The following YWHAG variants were observed in gnomAD, a reference collection of about 807,000 sequenced individuals.
YWHAG encodes 14-3-3 protein gamma.
YWHAG carries 1 observed loss-of-function variant against 23.3 expected under a neutral mutation model. The observed-to-expected ratio is 0.04, with a 90% CI of 0.02 to 0.20. The LOEUF (loss-of-function observed/expected upper bound fraction) is 0.20, where lower values mean the gene tolerates loss of function less well. Ranked by LOEUF, YWHAG falls within the 10% of genes least tolerant of loss-of-function variation. The pLI is 1.00. For missense variants in YWHAG, 151 were observed against 338.6 expected (o/e 0.45, Z 4.35); for synonymous variants, 160 against 144.0 (o/e 1.11, Z -0.80).
intron 1 of YWHAG, among the ~76,000 whole-genome samples, chr7:76,354,571 T>C (rs1250604466): frequency 6.6e-6 from 1 of 152,182 alleles, no homozygotes; most frequent in Non-Finnish European, 1.5e-5. Context: ...GGACTGCTGA[T>C]ATTGGGAATG....
At chr7:76,337,915 A>C (rs1803639362) in intron 1 of YWHAG, among the ~76,000 whole-genome samples, 1 of 152,194 alleles carries the variant, frequency 6.6e-6, no homozygotes, top group South Asian at 2.1e-4. Context: ...GTCCCAGTAC[A>C]TCACCAAGCC....
intron 1 of YWHAG, among the ~76,000 whole-genome samples, chr7:76,336,434 G>A (rs1803616124): frequency 6.7e-6 from 1 of 149,268 alleles, no homozygotes; most frequent in African/African-American, 2.5e-5. Flanking sequence ...ATCCAAAACT[G>A]CTCTAAGAAA....
In YWHAG at chr7:76,329,841, G is replaced by A; in HGVS notation, c.480C>T (p.Ile160=). Reference sequence around the variant, plus strand: ...GGGTGGGCTGCATGTGCTCTTTGCTGATCTCGTGGGCTTCGCTGTAGGCCT... The same window carrying A: ...GGGTGGGCTGCATGTGCTCTTTGCTAATCTCGTGGGCTTCGCTGTAGGCCT... The part of the protein sequence containing the change: ...SEKAYSEAHE[I]SKEHMQPTHP... Residue 160 remains isoleucine, a synonymous_variant, in exon 2 of 2, where the codon ATC becomes ATT. Coordinates refer to ENST00000307630, the MANE Select transcript of YWHAG (RefSeq NM_012479.4). The surrounding 1 kb of genome is among the most constrained non-coding windows in gnomAD (Gnocchi z 6.1). 1 of 1,614,002 alleles carries A rather than the reference G, an allele frequency of 6.2e-7. No individual in the cohort carries two copies. Among genetic ancestry groups the A allele is most frequent in the South Asian group, 1.1e-5 (1 of 91,056 alleles).
At chr7:76,332,691 C>CT (rs1335846429) in intron 1 of YWHAG, among the ~76,000 whole-genome samples, 3,528 of 134,738 alleles carry the variant, frequency 0.026, 53 homozygotes, top group East Asian at 0.064. Context: ...TGGCTGATTT[C>CT]TTTTTTTTTT....
intron 1 of YWHAG, among the ~76,000 whole-genome samples, chr7:76,346,545 T>TA (rs1803782272): frequency 6.6e-6 from 1 of 152,210 alleles, no homozygotes; most frequent in Non-Finnish European, 1.5e-5. Flanking sequence ...TGCCTCCACT[T>TA]AAGTGTTTCC....
chr7:76,337,674 A>G (rs903713989), intron 1 of YWHAG, among the ~76,000 whole-genome samples: 2 of 151,362 alleles, frequency 1.3e-5, no homozygotes, highest in African/African-American at 2.4e-5. Context: ...AGCTGGGTCT[A>G]CAGGCGCCCA....
chr7:76,328,319 T>C lies in YWHAG; in HGVS notation c.*1258A>G, dbSNP rs201126549. On this transcript the variant is annotated 3_prime_UTR_variant, in exon 2 of 2. Transcript: ENST00000307630. ...TCGAGAGGAAAAAGTTCTGGTCAAA[T>C]AGGAGTTCAGTGTTTGTTATCTGGT... is the stretch of plus-strand genomic sequence containing the variant. The C allele has an allele frequency of 3.9e-5, 6 of 152,324 alleles. No individual in the cohort carries two copies. In the East Asian group the frequency reaches 9.6e-4, roughly 24 times the overall value. 9.4% of individuals were successfully genotyped at this position (152,324 alleles called of 1,614,324 possible). A position where few individuals can be genotyped will look rare whatever the true frequency, so the allele number is the denominator to read the frequency against.
In YWHAG at chr7:76,358,521, G is replaced by T. The variant is rs369677803; in HGVS notation, c.87+201C>A. 2.6e-5 allele frequency among the ~76,000 whole-genome samples: 4 copies of T among 152,250 alleles called. No homozygotes were observed. The South Asian group carries it at 8.3e-4, about 32-fold the overall frequency. On this transcript the variant is annotated intron_variant, in intron 1 of 1. Transcript: ENST00000307630. ...CCGGGCCTGAATGGCAGCGCCGCGG[G>T]GCCACGGGGACTCCGAAAAGAGGCC...
intron 1 of YWHAG, among the ~76,000 whole-genome samples, chr7:76,332,366 A>G (rs1015980282): frequency 6.6e-6 from 1 of 152,160 alleles, no homozygotes; most frequent in Non-Finnish European, 1.5e-5. Flanking sequence ...TCCACAAATA[A>G]CGGAAGATTG....
At chr7:76,347,042 T>G (rs1479821991) in intron 1 of YWHAG, among the ~76,000 whole-genome samples, 1 of 151,916 alleles carries the variant, frequency 6.6e-6, no homozygotes, top group East Asian at 1.9e-4. Context: ...CCTCTCCCCC[T>G]CCCTCAAGTT....
In YWHAG at chr7:76,358,988, C is replaced by G. The variant is rs1221736474; in HGVS notation, c.-180G>C. The G allele has an allele frequency of 2.0e-6, 1 of 489,220 alleles. No individual in the cohort carries two copies. The highest frequency in any genetic ancestry group is 3.5e-6 in the Non-Finnish European group (1 of 289,314). 30.3% of individuals were successfully genotyped at this position (489,220 alleles called of 1,614,324 possible). On this transcript the variant is annotated 5_prime_UTR_variant, in exon 1 of 2. Coordinates refer to ENST00000307630, the MANE Select transcript of YWHAG (RefSeq NM_012479.4). ...GACCGCGGGACCGGGCGCGAGGCGG[C>G]TGCGGCTGCTGTGCGTGCCACTGAC...
Position 76,358,848 on chromosome 7 carries a change from C to A in YWHAG, c.-40G>T, listed in dbSNP as rs750247162. 7 of 1,563,880 alleles carry A rather than the reference C, an allele frequency of 4.5e-6. No homozygotes were observed. The highest frequency in any genetic ancestry group is 1.2e-5 in the South Asian group (1 of 85,592). ...GTCTGGCCGGAGAAGGAGGAGGACA[C>A]TGGGGCGGCCTGAAGGGCTTGGAGG... On this transcript the variant is annotated 5_prime_UTR_variant, in exon 1 of 2. Transcript: ENST00000307630.
chr7:76,356,998 T>C (rs570236950), intron 1 of YWHAG, among the ~76,000 whole-genome samples: 118 of 152,362 alleles, frequency 7.7e-4, no homozygotes, highest in African/African-American at 2.8e-3. Context: ...TTGCTATGGA[T>C]ATAGGTGCGA....
intron 1 of YWHAG, among the ~76,000 whole-genome samples, chr7:76,349,311 C>G (rs1803835657): frequency 1.3e-5 from 2 of 149,908 alleles, no homozygotes; most frequent in East Asian, 2.0e-4. Context: ...TGCACTCCAG[C>G]CTGGGCGACA....
At chr7:76,331,286 G>A (rs200390510) in intron 1 of YWHAG, among the ~76,000 whole-genome samples, 1 of 150,188 alleles carries the variant, frequency 6.7e-6, no homozygotes, top group Non-Finnish European at 1.5e-5. Context: ...GCTGGGGATG[G>A]GGAGAGGAGA....
intron 1 of YWHAG, among the ~76,000 whole-genome samples, chr7:76,338,102 C>T (rs1370560077): frequency 2.6e-5 from 4 of 152,056 alleles, no homozygotes; most frequent in Admixed American, 6.6e-5. Context: ...AACGTGAAGA[C>T]ACAAAACACT....
intron 1 of YWHAG, among the ~76,000 whole-genome samples, chr7:76,333,857 C>A (rs1803580074): frequency 6.6e-6 from 1 of 152,236 alleles, no homozygotes; most frequent in Admixed American, 6.5e-5. Context: ...TCATGTTGTC[C>A]TTATTTCAAG....
At position 76,358,635 on chromosome 7, in the gene YWHAG, C is replaced by A. The variant is rs1804001052; in HGVS notation, c.87+87G>T. On this transcript the variant is annotated intron_variant, in intron 1 of 1. Coordinates refer to ENST00000307630, the MANE Select transcript of YWHAG (RefSeq NM_012479.4). The stretch of plus-strand genomic sequence containing the variant: ...CGGGGCGGTCAACCCGCCATCGCGA[C>A]AGGGCGACGAAGCCCCGGGCCTTCC... The A allele has an allele frequency of 8.2e-6, 11 of 1,342,684 alleles. No homozygotes were observed. In the South Asian group the frequency reaches 1.6e-4, roughly 19 times the overall value. 83.2% of individuals were successfully genotyped at this position (1,342,684 alleles called of 1,614,324 possible). A position where few individuals can be genotyped will look rare whatever the true frequency, so the allele number is the denominator to read the frequency against.
At chr7:76,339,712 C>T (rs771942352) in intron 1 of YWHAG, among the ~76,000 whole-genome samples, 20 of 152,106 alleles carry the variant, frequency 1.3e-4, no homozygotes, top group Non-Finnish European at 2.2e-4. Context: ...CTATTCAACA[C>T]GAAGACCGTA....
Sources: gnomAD v4.1 joint callset for allele counts (sites outside exome capture counted in the v4.1 genomes callset) on GRCh38, gnomAD v4.1.1 for gene constraint, Gnocchi (gnomAD v3.1) non-coding constraint, MANE v1.5 for transcripts, NCBI Gene and HGNC (gene_info 2026-07-23, HGNC 2026-07-21) for gene names.